PCDH9: variants seen among roughly 807,000 people sequenced by gnomAD.
PCDH9 encodes protocadherin 9.
Under a neutral mutation model 70.6 loss-of-function variants are expected in PCDH9, and 24 were observed. The observed-to-expected ratio is 0.34, with a 90% CI of 0.25 to 0.48. The LOEUF is 0.48. Among genes scored for constraint, PCDH9 ranks in the 20% least tolerant of loss-of-function variants. The pLI, the probability that PCDH9 is intolerant of heterozygous loss-of-function variation, is 0.99. For missense variants in PCDH9, 1,281 were observed against 1,503.6 expected (o/e 0.85, Z 2.45); for synonymous variants, 562 against 558.5 (o/e 1.01, Z -0.09).
intron 3 of PCDH9, among the ~76,000 whole-genome samples, chr13:66,654,326 T>C (rs1317686132): frequency 6.6e-6 from 1 of 151,904 alleles, no homozygotes; most frequent in Non-Finnish European, 1.5e-5. Context: ...GTAAGGGTAG[T>C]GGTGGGGGTG....
At chr13:66,372,320 AG>A (rs1429600668) in intron 4 of PCDH9, among the ~76,000 whole-genome samples, 1 of 151,942 alleles carries the variant, frequency 6.6e-6, no homozygotes, top group East Asian at 1.9e-4. Context: ...ACATGAAATC[AG>A]GGATGGTTTC....
At chr13:66,853,429 T>A (rs1475198313) in intron 3 of PCDH9, among the ~76,000 whole-genome samples, 1 of 152,086 alleles carries the variant, frequency 6.6e-6, no homozygotes, top group Non-Finnish European at 1.5e-5. Context: ...TTCTCAGACC[T>A]CCAGCAATGC....
chr13:66,935,749 G>A (rs2082905758), intron 2 of PCDH9, among the ~76,000 whole-genome samples: 1 of 152,022 alleles, frequency 6.6e-6, no homozygotes. Context: ...TAGTCACAAA[G>A]TTAGTTACAG....
At chr13:66,729,347 C>T (rs10492476) in intron 3 of PCDH9, among the ~76,000 whole-genome samples, 19,725 of 152,088 alleles carry the variant, frequency 0.13, 1,392 homozygotes, top group African/African-American at 0.18. Flanking sequence ...ACAGTTAGTA[C>T]AATAGACAAT....
At chr13:66,763,956 A>G (rs942779739) in intron 3 of PCDH9, among the ~76,000 whole-genome samples, 8 of 151,366 alleles carry the variant, frequency 5.3e-5, no homozygotes, top group Non-Finnish European at 7.4e-5. Context: ...CCACCACAAC[A>G]CTCGACTAAT....
At chr13:67,028,694 A>G (rs571396137) in intron 2 of PCDH9, among the ~76,000 whole-genome samples, 1 of 152,252 alleles carries the variant, frequency 6.6e-6, no homozygotes, top group Non-Finnish European at 1.5e-5. Context: ...TTGTCCTTTC[A>G]TCCTAAACAT....
intron 2 of PCDH9, among the ~76,000 whole-genome samples, chr13:67,093,253 G>A (rs747184221): frequency 2.0e-5 from 3 of 152,082 alleles, no homozygotes; most frequent in South Asian, 2.1e-4. Flanking sequence ...TCAGGAGTTC[G>A]AGACCAGCCT....
At chr13:66,627,287 A>G (rs34877784) in intron 4 of PCDH9, among the ~76,000 whole-genome samples, 10,330 of 152,188 alleles carry the variant, frequency 0.068, 401 homozygotes, top group Middle Eastern at 0.1. Context: ...AACAAATTCC[A>G]CTGAATTCAA....
chr13:67,144,116 A>T (rs2087463821), intron 2 of PCDH9, among the ~76,000 whole-genome samples: 1 of 152,202 alleles, frequency 6.6e-6, no homozygotes, highest in Non-Finnish European at 1.5e-5. Context: ...GTGAAGAGGA[A>T]ATGCAAATAG....
chr13:66,769,627 C>T (rs9571662), intron 3 of PCDH9, among the ~76,000 whole-genome samples: 12,367 of 151,972 alleles, frequency 0.081, 523 homozygotes, highest in East Asian at 0.14. Flanking sequence ...AATTAGAAAT[C>T]CAACAAGACC....
chr13:66,467,362 T>C (rs989560766), intron 4 of PCDH9, among the ~76,000 whole-genome samples: 4 of 152,056 alleles, frequency 2.6e-5, no homozygotes, highest in Admixed American at 2.0e-4. Context: ...TGTGGATTCT[T>C]GGAGAAAGCC....
At chr13:66,727,643 A>G (rs2079022729) in intron 3 of PCDH9, among the ~76,000 whole-genome samples, 2 of 152,164 alleles carry the variant, frequency 1.3e-5, no homozygotes, top group Non-Finnish European at 2.9e-5. Context: ...GCATAGACTT[A>G]GATATAGACT....
chr13:66,523,214 C>A (rs944278960), intron 4 of PCDH9, among the ~76,000 whole-genome samples: 3 of 151,940 alleles, frequency 2.0e-5, no homozygotes, highest in African/African-American at 7.3e-5. Flanking sequence ...TCCTCCTCAC[C>A]CTTCATTACT....
chr13:66,752,609 T>A (rs1202070007), intron 3 of PCDH9, among the ~76,000 whole-genome samples: 2 of 152,234 alleles, frequency 1.3e-5, no homozygotes, highest in African/African-American at 2.4e-5. Context: ...ATCTACAGCA[T>A]TTTTAATGGA....
chr13:66,340,125 TA>T (rs142083356), intron 4 of PCDH9, among the ~76,000 whole-genome samples: 1 of 152,288 alleles, frequency 6.6e-6, no homozygotes, highest in African/African-American at 2.4e-5. Context: ...GCCATTCAAG[TA>T]AATAAATAAT....
At chr13:66,975,287 T>C (rs1415301144) in intron 2 of PCDH9, among the ~76,000 whole-genome samples, 1 of 152,010 alleles carries the variant, frequency 6.6e-6, no homozygotes, top group Non-Finnish European at 1.5e-5. Flanking sequence ...AAATATGAAC[T>C]ATTTGGGAAG....
intron 4 of PCDH9, 29 bp downstream of exon 4, chr13:66,631,181 A>T (rs1462405723): frequency 1.7e-6 from 2 of 1,184,766 alleles, no homozygotes; most frequent in Non-Finnish European, 2.5e-6. Context: ...GAACAACTCC[A>T]AGCAATCAAA....
chr13:66,934,436 G>A (rs1288891884), intron 2 of PCDH9, among the ~76,000 whole-genome samples: 1 of 151,022 alleles, frequency 6.6e-6, no homozygotes, highest in Admixed American at 6.6e-5. Context: ...AGCTACTTAG[G>A]AGGCTGAGAG....
chr13:67,156,650 G>C (rs1566461825), intron 2 of PCDH9, among the ~76,000 whole-genome samples: 2 of 152,120 alleles, frequency 1.3e-5, no homozygotes, highest in South Asian at 4.1e-4. Flanking sequence ...TATTCTTTCG[G>C]TACACAAAGG....
Sources: allele counts gnomAD v4.1 joint callset (sites outside exome capture counted in the v4.1 genomes callset), GRCh38; gene constraint gnomAD v4.1.1; transcripts MANE v1.5; gene names NCBI Gene and HGNC (gene_info 2026-07-23, HGNC 2026-07-21).